TRIM9: variants seen among roughly 807,000 people sequenced by gnomAD.
TRIM9 encodes E3 ubiquitin-protein ligase TRIM9.
In TRIM9, 26 loss-of-function variants were observed where a neutral mutation model predicts 78.3. The observed-to-expected ratio is 0.33, with a 90% CI of 0.24 to 0.46. The LOEUF (loss-of-function observed/expected upper bound fraction) is 0.46, where lower values mean the gene tolerates loss of function less well. Ranked by LOEUF, TRIM9 falls within the 20% of genes least tolerant of loss-of-function variation. The probability of loss-of-function intolerance (pLI) is 1.00; values close to 1 mark genes in which losing one functional copy is unlikely to be tolerated. For synonymous variants in TRIM9, 398 were observed against 416.5 expected (o/e 0.96, Z 0.54); for missense variants, 787 against 1,036.4 (o/e 0.76, Z 3.30).
intron 7 of TRIM9, among the ~76,000 whole-genome samples, chr14:50,995,828 T>C (rs1027926792): frequency 2.0e-5 from 3 of 152,128 alleles, no homozygotes; most frequent in Non-Finnish European, 4.4e-5. Context: ...ATAAGATTAA[T>C]AAAGCATAAG....
At chr14:51,067,388 G>A (rs61319011) in intron 1 of TRIM9, among the ~76,000 whole-genome samples, 3,827 of 152,132 alleles carry the variant, frequency 0.025, 167 homozygotes, top group African/African-American at 0.088. Context: ...TTCTACTGTC[G>A]GTTCTTGCCC....
In TRIM9 at chr14:50,977,162, G is replaced by C. The variant is rs2051150130; in HGVS notation, c.*129C>G. 1 of 605,728 alleles carries C rather than the reference G, an allele frequency of 1.7e-6. No individual in the cohort carries two copies. The highest frequency in any genetic ancestry group is 3.3e-5 in the East Asian group (1 of 29,958). 37.5% of individuals were successfully genotyped at this position (605,728 alleles called of 1,614,324 possible). On this transcript the variant is annotated 3_prime_UTR_variant, in exon 13 of 13. Transcript: ENST00000684578. ...AGCTGTGGGTGTAAAGACTGCAGAG[G>C]ACCAGCTTTTCTCTCCTCCTTCTCC...
At position 50,979,516 on chromosome 14, in the gene TRIM9, A is replaced by C; in HGVS notation, c.2196T>G (p.Ile732Met). 6.2e-7 allele frequency: 1 copy of C among 1,614,114 alleles called. No homozygotes were observed. Among genetic ancestry groups the C allele is most frequent in the Non-Finnish European group, 8.5e-7 (1 of 1,180,020 alleles). Residue 732 changes from isoleucine (I) to methionine (M), a missense_variant, in exon 12 of 13, where the codon ATT (isoleucine) becomes ATG (methionine). Coordinates refer to ENST00000684578, the MANE Select transcript of TRIM9 (RefSeq NM_001387360.1). ...TEGGITKGAT[I>M]GVLLDLNRKN... ...TTCTATTTAAGTCGAGGAGGACCCC[A>C]ATTGTGGCCCCTTTTGTGATCCCTC...
At chr14:50,978,717 A>G (rs1323326414) in intron 12 of TRIM9, 1 of 173,420 alleles carries the variant, frequency 5.8e-6, no homozygotes, top group East Asian at 1.9e-4. Flanking sequence ...TCTGTCTCCT[A>G]TCACTAAGAT....
Position 51,080,133 on chromosome 14 carries a change from C to G in TRIM9, c.822+13985G>C, listed in dbSNP as rs550131102. On this transcript the variant is annotated intron_variant, in intron 1 of 12. Coordinates refer to ENST00000684578, the MANE Select transcript of TRIM9 (RefSeq NM_001387360.1). ...TGAGAGGCATAGCAAAACTAAACAT[C>G]AACAATTTTTTTTTCTTTTCTAGAC... Among the ~76,000 whole-genome samples the G allele has an allele frequency of 3.3e-5, 5 of 151,864 alleles. No individual in the cohort carries two copies. In the South Asian group the frequency reaches 1.0e-3, roughly 32 times the overall value.
At chr14:51,012,416 T>A (rs1457616592) in intron 3 of TRIM9, among the ~76,000 whole-genome samples, 1 of 152,262 alleles carries the variant, frequency 6.6e-6, no homozygotes, top group Non-Finnish European at 1.5e-5. Flanking sequence ...CATTTTCATC[T>A]TAAGAACAAA....
chr14:51,013,659 G>T lies in TRIM9; in HGVS notation c.1042-3165C>A, dbSNP rs537290722. Among the ~76,000 whole-genome samples the T allele has an allele frequency of 4.6e-5, 7 of 152,064 alleles. No individual in the cohort carries two copies. The South Asian group carries it at 1.2e-3, about 27-fold the overall frequency. On this transcript the variant is annotated intron_variant, in intron 3 of 12. Transcript: ENST00000684578. ...AGATTATTTTTGTGAGTTTTGGGGG[G>T]ATCAAATTTAAAATTCACTGGTTGA... is the stretch of plus-strand genomic sequence containing the variant.
At chr14:51,027,352 C>T (rs1470339964) in intron 1 of TRIM9, among the ~76,000 whole-genome samples, 1 of 152,020 alleles carries the variant, frequency 6.6e-6, no homozygotes, top group African/African-American at 2.4e-5. Flanking sequence ...CCATGTTGGC[C>T]AGGCTGGTCT....
At chr14:50,985,547 C>T (rs1240923208) in intron 8 of TRIM9, among the ~76,000 whole-genome samples, 1 of 152,160 alleles carries the variant, frequency 6.6e-6, no homozygotes, top group Non-Finnish European at 1.5e-5. Flanking sequence ...ATGCACTGAT[C>T]CAGTCTCCCA....
chr14:51,036,133 A>G (rs963119063), intron 1 of TRIM9, among the ~76,000 whole-genome samples: 1 of 152,196 alleles, frequency 6.6e-6, no homozygotes, highest in African/African-American at 2.4e-5. Context: ...CGAGGCAAAA[A>G]GTGGCTCTTC....
At chr14:50,977,374 T>C in intron 12 of TRIM9, 21 bp from the exon 13 acceptor site, 1 of 1,505,466 alleles carries the variant, frequency 6.6e-7, no homozygotes, top group Non-Finnish European at 8.9e-7. Flanking sequence ...AGACTGTGAG[T>C]CCTGAGAGGC....
chr14:50,981,797 T>G lies in TRIM9; in HGVS notation c.2162+3A>C, dbSNP rs770008376. The G allele has an allele frequency of 6.2e-7, 1 of 1,613,898 alleles. No individual in the cohort carries two copies. The highest frequency in any genetic ancestry group is 1.1e-5 in the South Asian group (1 of 91,082). Reference sequence around the variant, plus strand: ...AAGGCTTGGTTTGGGGGCTGCAGGGTACCTGTTGGTGTGCGAGTTGTTGTG... The same window carrying G: ...AAGGCTTGGTTTGGGGGCTGCAGGGGACCTGTTGGTGTGCGAGTTGTTGTG... On this transcript the variant is annotated splice_donor_region_variant and intron_variant, in intron 11 of 12. Coordinates refer to ENST00000684578, the MANE Select transcript of TRIM9 (RefSeq NM_001387360.1).
chr14:51,041,910 T>C (rs1276644016), intron 1 of TRIM9, among the ~76,000 whole-genome samples: 1 of 152,204 alleles, frequency 6.6e-6, no homozygotes, highest in African/African-American at 2.4e-5. Flanking sequence ...TGGTATAAAA[T>C]TAATAAACTG....
At chr14:50,995,948 G>A (rs1478780284) in intron 7 of TRIM9, 1 of 267,292 alleles carries the variant, frequency 3.7e-6, no homozygotes, top group African/African-American at 2.3e-5. Context: ...TATTGTTACA[G>A]ATCGATCATA....
chr14:51,055,061 ATCCG>A (rs1566621331), intron 1 of TRIM9, among the ~76,000 whole-genome samples: 5 of 151,460 alleles, frequency 3.3e-5, no homozygotes, highest in African/African-American at 1.2e-4. Context: ...TGACCTCGTG[ATCCG>A]TCCGCCTCGG....
At chr14:51,063,287 A>C (rs2061489785) in intron 1 of TRIM9, among the ~76,000 whole-genome samples, 1 of 152,196 alleles carries the variant, frequency 6.6e-6, no homozygotes, top group Admixed American at 6.5e-5. Flanking sequence ...AATAATAATT[A>C]TTCAATCTGA....
At chr14:51,050,221 C>T (rs1356116874) in intron 1 of TRIM9, among the ~76,000 whole-genome samples, 1 of 152,116 alleles carries the variant, frequency 6.6e-6, no homozygotes, top group Non-Finnish European at 1.5e-5. Flanking sequence ...GGCTGTGTCC[C>T]CACCCAAATC....
intron 2 of TRIM9, among the ~76,000 whole-genome samples, chr14:51,024,515 C>T (rs2058045535): frequency 6.6e-6 from 1 of 152,190 alleles, no homozygotes; most frequent in South Asian, 2.1e-4. Flanking sequence ...TTCTGTGAGG[C>T]AAACCTCAAA....
intron 1 of TRIM9, among the ~76,000 whole-genome samples, chr14:51,069,193 T>G (rs145742974): frequency 2.0e-5 from 3 of 152,298 alleles, no homozygotes; most frequent in Non-Finnish European, 4.4e-5. Flanking sequence ...TTTCTTAGAT[T>G]GATTCCATTT....
Sources: allele counts gnomAD v4.1 joint callset (sites outside exome capture counted in the v4.1 genomes callset), GRCh38; gene constraint gnomAD v4.1.1; transcripts MANE v1.5; gene names NCBI Gene and HGNC (gene_info 2026-07-23, HGNC 2026-07-21).